The following CRHR2 variants were observed in gnomAD, a reference collection of about 807,000 sequenced individuals.
The protein encoded by CRHR2 is corticotropin releasing hormone receptor 2, also known as corticotropin-releasing hormone receptor 2.
Under a neutral mutation model 57.9 loss-of-function variants are expected in CRHR2, and 53 were observed. The observed-to-expected ratio is 0.92, with a 90% CI of 0.73 to 1.15. The LOEUF is 1.15. Among genes scored for constraint, CRHR2 ranks in the 50% most tolerant of loss-of-function variants. The pLI is 0.00. For synonymous variants in CRHR2, 213 were observed against 220.9 expected (o/e 0.96, Z 0.32); for missense variants, 532 against 542.6 (o/e 0.98, Z 0.19).
Position 30,656,763 on chromosome 7 carries a change from C to T in CRHR2, c.832-751G>A, listed in dbSNP as rs1018381471. On this transcript the variant is annotated intron_variant, in intron 8 of 11. Coordinates refer to ENST00000471646, the MANE Select transcript of CRHR2 (RefSeq NM_001883.5). The surrounding 1 kb of genome is among the most constrained non-coding windows in gnomAD (Gnocchi z 4.4). ...CTGGGTGTGGGTCCCCATGGGCCTG[C>T]GAGTGTCTGTTCATCTGTATTGGCT... Among the ~76,000 whole-genome samples, 1 of 152,150 alleles carries T rather than the reference C, an allele frequency of 6.6e-6. No homozygotes were observed. Among genetic ancestry groups the T allele is most frequent in the East Asian group, 1.9e-4 (1 of 5,188 alleles).
At chr7:30,694,809 A>C (rs111257292) in intron 1 of CRHR2, among the ~76,000 whole-genome samples, 4 of 150,672 alleles carry the variant, frequency 2.7e-5, no homozygotes, top group Non-Finnish European at 4.4e-5. Flanking sequence ...GGAGGAGAAG[A>C]CTGGAAAAGA....
intron 6 of CRHR2, 46 bp from the exon 7 acceptor site, chr7:30,662,262 A>C: frequency 6.2e-7 from 1 of 1,603,536 alleles, no homozygotes; most frequent in Non-Finnish European, 8.5e-7. Flanking sequence ...ATGGACAGGG[A>C]CTTTCTTGTA....
Position 30,681,581 on chromosome 7 carries a change from C to G in CRHR2, c.229+334G>C, listed in dbSNP as rs143157836. Among the ~76,000 whole-genome samples the G allele has an allele frequency of 6.7e-3, 1,017 of 152,310 alleles. 7 individuals are homozygous for G. The highest frequency in any genetic ancestry group is 0.034 in the Middle Eastern group (10 of 294). On this transcript the variant is annotated intron_variant, in intron 2 of 11. Coordinates refer to ENST00000471646, the MANE Select transcript of CRHR2 (RefSeq NM_001883.5). ...GAAGCATTGTCTAAACAATGAAGCC[C>G]TAATGGGGAACTTCAGGCAACGGGA...
At chr7:30,657,456 G>T (rs1783831519) in intron 8 of CRHR2, among the ~76,000 whole-genome samples, 1 of 152,072 alleles carries the variant, frequency 6.6e-6, no homozygotes, top group South Asian at 2.1e-4. Flanking sequence ...CCAGCTCCTG[G>T]GTCTCTGGCA....
At chr7:30,672,300 A>G (rs1481942147) in intron 2 of CRHR2, among the ~76,000 whole-genome samples, 1 of 152,194 alleles carries the variant, frequency 6.6e-6, no homozygotes, top group Non-Finnish European at 1.5e-5. Context: ...ACTGACCCCT[A>G]TAAAGGTGTT....
chr7:30,681,687 A>G (rs1043614922), intron 2 of CRHR2, among the ~76,000 whole-genome samples: 1 of 152,206 alleles, frequency 6.6e-6, no homozygotes, highest in Non-Finnish European at 1.5e-5. Flanking sequence ...CACCGCATGG[A>G]GCACGGGAAT....
At chr7:30,662,557 G>C (rs1784044728) in intron 6 of CRHR2, 137 bp downstream of exon 6, 2 of 1,016,636 alleles carry the variant, frequency 2.0e-6, no homozygotes, top group Non-Finnish European at 2.9e-6. Context: ...AGCATGGAGG[G>C]AAGTAGCTGC....
intron 11 of CRHR2, chr7:30,654,689 C>T: frequency 6.5e-7 from 1 of 1,536,008 alleles, no homozygotes; most frequent in Admixed American, 2.0e-5. Flanking sequence ...TCCCTGAGTC[C>T]ATACAGACCT....
chr7:30,668,674 A>G (rs1273018141), intron 2 of CRHR2, among the ~76,000 whole-genome samples: 1 of 152,212 alleles, frequency 6.6e-6, no homozygotes, highest in African/African-American at 2.4e-5. Context: ...CCGAAGAGCA[A>G]AATCAATGGG....
intron 2 of CRHR2, 86 bp from the exon 3 acceptor site, chr7:30,667,399 G>A (rs1275583656): frequency 1.9e-6 from 2 of 1,079,232 alleles, no homozygotes; most frequent in South Asian, 1.3e-5. Context: ...AGGATAAGGT[G>A]TACGCACCTC....
intron 2 of CRHR2, among the ~76,000 whole-genome samples, chr7:30,668,776 C>T (rs960587682): frequency 2.6e-5 from 4 of 152,192 alleles, no homozygotes; most frequent in South Asian, 2.1e-4. Context: ...ATTCCTTCCT[C>T]CTGGGCCAAG....
At chr7:30,696,206 G>C (rs1436610549) in intron 1 of CRHR2, among the ~76,000 whole-genome samples, 3 of 152,158 alleles carry the variant, frequency 2.0e-5, no homozygotes, top group Non-Finnish European at 4.4e-5. Context: ...ATACGACGTA[G>C]TATTTCATAG....
At chr7:30,669,682 CT>C (rs1207692751) in intron 2 of CRHR2, among the ~76,000 whole-genome samples, 2 of 152,192 alleles carry the variant, frequency 1.3e-5, no homozygotes, top group Admixed American at 6.5e-5. Context: ...CTCCCTGCTT[CT>C]TTTCTTGCCA....
chr7:30,680,047 G>A (rs1330114801), intron 2 of CRHR2, among the ~76,000 whole-genome samples: 1 of 152,222 alleles, frequency 6.6e-6, no homozygotes, highest in South Asian at 2.1e-4. Flanking sequence ...AGCCTGGGTG[G>A]TGCCCCAACC....
intron 1 of CRHR2, among the ~76,000 whole-genome samples, chr7:30,690,371 G>A (rs1358711328): frequency 1.3e-5 from 2 of 152,086 alleles, no homozygotes; most frequent in Non-Finnish European, 2.9e-5. Flanking sequence ...AAATTCTAAC[G>A]CTTGGCCCCA....
chr7:30,678,009 G>A (rs1407583213), intron 2 of CRHR2, among the ~76,000 whole-genome samples: 1 of 152,236 alleles, frequency 6.6e-6, no homozygotes, highest in Non-Finnish European at 1.5e-5. Flanking sequence ...GTTTGAGATT[G>A]CAGTGATCTT....
upstream of CRHR2, chr7:30,686,505 C>T (rs1784860415): frequency 6.6e-7 from 1 of 1,509,742 alleles, no homozygotes; most frequent in Non-Finnish European, 8.8e-7. Flanking sequence ...TTCAAGGTAT[C>T]TTTGAATCCA....
intron 2 of CRHR2, among the ~76,000 whole-genome samples, chr7:30,669,369 G>T (rs1784288257): frequency 6.6e-6 from 1 of 152,088 alleles, no homozygotes; most frequent in South Asian, 2.1e-4. Context: ...GAGTGAGTCT[G>T]GTCACTCTGA....
At chr7:30,693,560 C>A (rs996730116) in intron 1 of CRHR2, among the ~76,000 whole-genome samples, 1 of 152,220 alleles carries the variant, frequency 6.6e-6, no homozygotes, top group Non-Finnish European at 1.5e-5. Flanking sequence ...TAAAATAAAC[C>A]TGTAAATAGA....
Sources: allele counts gnomAD v4.1 joint callset (sites outside exome capture counted in the v4.1 genomes callset), GRCh38; gene constraint gnomAD v4.1.1; non-coding constraint Gnocchi (gnomAD v3.1); transcripts MANE v1.5; gene names NCBI Gene and HGNC (gene_info 2026-07-23, HGNC 2026-07-21).